The following HSPBAP1 variants were observed in gnomAD, a reference collection of about 807,000 sequenced individuals.
HSPBAP1 encodes HSPB1-associated protein 1.
HSPBAP1 carries 27 observed loss-of-function variants against 45.2 expected under a neutral mutation model. That is an observed-to-expected ratio of 0.60 (90% CI 0.44 to 0.82). The LOEUF is 0.82. HSPBAP1 is among the 40% of genes least tolerant of loss of function. HSPBAP1 has a pLI of 0.00. For synonymous variants in HSPBAP1, 204 were observed against 202.7 expected (o/e 1.01, Z -0.06); for missense variants, 510 against 590.9 (o/e 0.86, Z 1.42).
At chr3:122,782,899 T>C (rs1935535923) in intron 1 of HSPBAP1, among the ~76,000 whole-genome samples, 1 of 152,214 alleles carries the variant, frequency 6.6e-6, no homozygotes, top group Non-Finnish European at 1.5e-5. Context: ...AAAACTTAAA[T>C]CAGTTTGGCC....
At chr3:122,750,225 G>A (rs1216180793) in intron 6 of HSPBAP1, among the ~76,000 whole-genome samples, 1 of 151,962 alleles carries the variant, frequency 6.6e-6, no homozygotes, top group East Asian at 1.9e-4. Context: ...CACCCACCTC[G>A]GCCTCCCAAA....
chr3:122,754,988 T>C, intron 5 of HSPBAP1: 11 of 1,115,828 alleles, frequency 9.9e-6, no homozygotes, highest in Non-Finnish European at 1.2e-5. Context: ...AAATGACTCT[T>C]GTAGACTGTC....
At chr3:122,777,984 T>C in intron 1 of HSPBAP1, 78 bp from the exon 2 acceptor site, 1 of 904,210 alleles carries the variant, frequency 1.1e-6, no homozygotes, top group Non-Finnish European at 1.7e-6. Flanking sequence ...AAATAGCTAA[T>C]ATTGTTTTTA....
rs1560180253 is a variant in HSPBAP1 at position 122,793,638 on chromosome 3, C to G, written c.43G>C (p.Ala15Pro). ...CTACCTTCCTCCCCTCCAGCCCCAG[C>G]CGCAACGATCACAGGAGTGGTCGCC... is the stretch of plus-strand genomic sequence containing the variant. ...SEATTPVIVA[A>P]GAGGEEGEHV... Residue 15 changes from alanine to proline, a missense_variant, in exon 1 of 8, where the codon GCT becomes CCT. By Grantham distance (27) the Ala-to-Pro change is conservative. Transcript: ENST00000306103. 1 of 1,613,984 alleles carries G rather than the reference C, an allele frequency of 6.2e-7. No homozygotes were observed. The highest frequency in any genetic ancestry group is 8.5e-7 in the Non-Finnish European group (1 of 1,180,014).
intron 2 of HSPBAP1, among the ~76,000 whole-genome samples, chr3:122,777,031 A>C (rs1935211794): frequency 6.6e-6 from 1 of 152,220 alleles, no homozygotes; most frequent in African/African-American, 2.4e-5. Flanking sequence ...AGACTCTCTT[A>C]GATTAGAAAC....
intron 1 of HSPBAP1, among the ~76,000 whole-genome samples, chr3:122,784,954 C>T (rs569108942): frequency 8.9e-4 from 135 of 152,226 alleles, no homozygotes; most frequent in Non-Finnish European, 1.4e-3. Flanking sequence ...CAGGCAGAGA[C>T]GGTAATTCAT....
At chr3:122,786,420 G>A (rs1258904494) in intron 1 of HSPBAP1, 1 of 152,184 alleles carries the variant, frequency 6.6e-6, no homozygotes, top group Admixed American at 6.5e-5. Context: ...TTACATTAGA[G>A]CCAATAGATC....
chr3:122,754,837 G>T, intron 5 of HSPBAP1: 1 of 988,592 alleles, frequency 1.0e-6, no homozygotes, highest in Non-Finnish European at 1.2e-6. Context: ...CTGCCCGTTG[G>T]CCCACACCTG....
intron 1 of HSPBAP1, among the ~76,000 whole-genome samples, chr3:122,779,304 G>A (rs1051710825): frequency 1.3e-5 from 2 of 151,432 alleles, no homozygotes; most frequent in African/African-American, 2.4e-5. Flanking sequence ...ACCTCCCGTA[G>A]TGCTGGGATT....
intron 3 of HSPBAP1, among the ~76,000 whole-genome samples, chr3:122,763,463 T>TG (rs11458671): frequency 3.5e-4 from 18 of 50,940 alleles, no homozygotes; most frequent in Non-Finnish European, 1.1e-3. Flanking sequence ...GCTGTGTGTG[T>TG]TTTTTTTTAA....
intron 6 of HSPBAP1, among the ~76,000 whole-genome samples, chr3:122,743,351 C>T (rs754755289): frequency 6.6e-5 from 10 of 152,148 alleles, no homozygotes; most frequent in Non-Finnish European, 1.3e-4. Flanking sequence ...GGGTGGATCA[C>T]CTGAGGTCAG....
intron 6 of HSPBAP1, among the ~76,000 whole-genome samples, chr3:122,743,568 A>G (rs1467162071): frequency 6.6e-6 from 1 of 152,174 alleles, no homozygotes; most frequent in Non-Finnish European, 1.5e-5. Context: ...CTTTGTCTCA[A>G]ACAACAAAAA....
intron 3 of HSPBAP1, among the ~76,000 whole-genome samples, chr3:122,768,060 C>A (rs777819061): frequency 3.1e-4 from 47 of 152,284 alleles, no homozygotes; most frequent in South Asian, 1.5e-3. Flanking sequence ...ACAAAATAAA[C>A]TGCCAGTTTA....
intron 1 of HSPBAP1, among the ~76,000 whole-genome samples, chr3:122,791,639 G>A (rs1935833854): frequency 6.6e-6 from 1 of 152,230 alleles, no homozygotes; most frequent in Non-Finnish European, 1.5e-5. Context: ...GGGGGTGCAA[G>A]AGAAATCACA....
intron 5 of HSPBAP1, chr3:122,754,625 G>A (rs886388138): frequency 8.1e-6 from 8 of 984,422 alleles, no homozygotes; most frequent in East Asian, 1.1e-4. Flanking sequence ...AGGGATAATC[G>A]AGAGAATAAA....
intron 5 of HSPBAP1, chr3:122,752,978 C>T: frequency 9.3e-7 from 1 of 1,080,178 alleles, no homozygotes; most frequent in Non-Finnish European, 1.1e-6. Flanking sequence ...ATTTTTCCTC[C>T]TTTCCGTCAC....
intron 1 of HSPBAP1, among the ~76,000 whole-genome samples, chr3:122,780,921 G>A (rs1299606284): frequency 4.1e-5 from 4 of 96,842 alleles, no homozygotes; most frequent in African/African-American, 9.3e-5. Flanking sequence ...CAGACGGGGC[G>A]GCGGGGCAGA....
In HSPBAP1 at chr3:122,777,836, G is replaced by T; in HGVS notation, c.135C>A (p.Ile45=). 6.2e-7 allele frequency: 1 copy of T among 1,613,742 alleles called. No homozygotes were observed. The highest frequency in any genetic ancestry group is 1.7e-5 in the Admixed American group (1 of 60,022). ...GCCAATCAAACACCATGTTACAGAAGATTGCAGGTTGTTGTAAAGACATGA... is the reference window on the plus strand; with the variant it reads ...GCCAATCAAACACCATGTTACAGAATATTGCAGGTTGTTGTAAAGACATGA... ...EIIMSLQQPA[I]FCNMVFDWPA... The change falls in exon 2 of 8, where the codon ATC becomes ATA. Residue 45 remains isoleucine (I), a synonymous_variant. Coordinates refer to ENST00000306103, the MANE Select transcript of HSPBAP1 (RefSeq NM_024610.6).
chr3:122,755,187 CA>C, intron 5 of HSPBAP1, 72 bp downstream of exon 5: 1 of 1,308,458 alleles, frequency 7.6e-7, no homozygotes. Flanking sequence ...GGGAAGCACA[CA>C]GCATAAGGAC....
Sources: allele counts gnomAD v4.1 joint callset (sites outside exome capture counted in the v4.1 genomes callset), GRCh38; gene constraint gnomAD v4.1.1; transcripts MANE v1.5; gene names NCBI Gene and HGNC (gene_info 2026-07-23, HGNC 2026-07-21).